Variants in THSD7B observed in about 807,000 individuals in gnomAD.
The protein encoded by THSD7B is thrombospondin type 1 domain containing 7B, also known as thrombospondin type-1 domain-containing protein 7B.
THSD7B carries 138 observed loss-of-function variants against 213.6 expected under a neutral mutation model. The observed-to-expected ratio is 0.65, with a 90% CI of 0.56 to 0.74. The LOEUF is 0.74. Ranked by LOEUF, THSD7B falls within the 30% of genes least tolerant of loss-of-function variation. The pLI, the probability that THSD7B is intolerant of heterozygous loss-of-function variation, is 0.00. For synonymous variants in THSD7B, 742 were observed against 687.0 expected, an observed-to-expected ratio of 1.08 and a Z score of -1.25; for missense variants, 1,931 against 1,991.5, an observed-to-expected ratio of 0.97 and a Z score of 0.58.
rs143309848 is a variant in THSD7B, at chr2:137,109,703, C to T, written c.1200-5421C>T. On this transcript the variant is annotated intron_variant, in intron 4 of 27. Coordinates refer to ENST00000409968, the MANE Select transcript of THSD7B (RefSeq NM_001316349.2). ...TGCTGATCTAACAGGAGGCAGAGCT[C>T]GGTGGCAATGTGAGTGATGGGGAGT... Among the ~76,000 whole-genome samples the T allele has an allele frequency of 3.5e-3, 540 of 152,138 alleles. 4 individuals are homozygous for T. Among genetic ancestry groups the T allele is most frequent in the African/African-American group, 0.012 (492 of 41,518 alleles).
intron 17 of THSD7B, among the ~76,000 whole-genome samples, chr2:137,575,365 C>T (rs1261443406): frequency 6.6e-6 from 1 of 151,896 alleles, no homozygotes; most frequent in Admixed American, 6.6e-5. Flanking sequence ...AGGAAAGATC[C>T]CTTCCCCTGC....
At chr2:137,488,192 C>T (rs1688508228) in intron 15 of THSD7B, among the ~76,000 whole-genome samples, 1 of 152,112 alleles carries the variant, frequency 6.6e-6, no homozygotes, top group Non-Finnish European at 1.5e-5. Context: ...ACTATTTCAA[C>T]TGATACTAGT....
intron 10 of THSD7B, among the ~76,000 whole-genome samples, chr2:137,264,440 G>A (rs1309043057): frequency 6.6e-6 from 1 of 151,862 alleles, no homozygotes; most frequent in Non-Finnish European, 1.5e-5. Flanking sequence ...AGTAGAGGCG[G>A]GATTTCACTG....
chr2:136,852,418 C>A (rs1329441856), intron 1 of THSD7B, among the ~76,000 whole-genome samples: 1 of 152,118 alleles, frequency 6.6e-6, no homozygotes, highest in African/African-American at 2.4e-5. Flanking sequence ...CTGTCAACAA[C>A]CTGAATGGAA....
intron 1 of THSD7B, among the ~76,000 whole-genome samples, chr2:136,845,693 C>G (rs958830003): frequency 2.0e-5 from 3 of 152,230 alleles, no homozygotes; most frequent in African/African-American, 4.8e-5. Flanking sequence ...TTGTGCTAAC[C>G]TATTATGAAC....
chr2:137,063,401 A>G (rs1687315885), intron 3 of THSD7B, among the ~76,000 whole-genome samples: 1 of 151,724 alleles, frequency 6.6e-6, no homozygotes, highest in South Asian at 2.1e-4. Flanking sequence ...TAGCTGTTGT[A>G]GGTGCATAGT....
At chr2:137,549,074 T>C (rs1322508406) in intron 15 of THSD7B, among the ~76,000 whole-genome samples, 2 of 151,958 alleles carry the variant, frequency 1.3e-5, no homozygotes, top group Admixed American at 1.3e-4. Flanking sequence ...TCCTCAAGCC[T>C]TTATTTCTTA....
At chr2:137,467,637 ATAAT>A (rs1219248759) in intron 15 of THSD7B, among the ~76,000 whole-genome samples, 1 of 152,176 alleles carries the variant, frequency 6.6e-6, no homozygotes, top group African/African-American at 2.4e-5. Context: ...TGACAAAAGT[ATAAT>A]TAATTTTAAA....
At chr2:136,890,339 T>C (rs367765010) in intron 2 of THSD7B, among the ~76,000 whole-genome samples, 3,910 of 9,872 alleles carry the variant, frequency 0.4, 136 homozygotes, top group East Asian at 0.58. Flanking sequence ...TTCTTCTTCT[T>C]CTTCTTCTTC....
intron 5 of THSD7B, among the ~76,000 whole-genome samples, chr2:137,159,016 G>T (rs1679960329): frequency 6.6e-6 from 1 of 152,152 alleles, no homozygotes; most frequent in South Asian, 2.1e-4. Context: ...TAATGCATTT[G>T]TCTGGTCCTT....
chr2:136,806,635 C>T (rs1211218397), intron 1 of THSD7B, among the ~76,000 whole-genome samples: 1 of 152,170 alleles, frequency 6.6e-6, no homozygotes, highest in Non-Finnish European at 1.5e-5. Flanking sequence ...TGCCCGGTTT[C>T]CCCTGTTGTA....
intron 2 of THSD7B, among the ~76,000 whole-genome samples, chr2:136,927,274 G>A (rs1458047600): frequency 1.4e-5 from 1 of 73,406 alleles, no homozygotes; most frequent in African/African-American, 4.6e-5. Flanking sequence ...ACTTGTTTTA[G>A]TCTTTTAAAA....
At chr2:137,060,234 AAG>A (rs1442257836) in intron 3 of THSD7B, among the ~76,000 whole-genome samples, 1 of 152,052 alleles carries the variant, frequency 6.6e-6, no homozygotes, top group East Asian at 1.9e-4. Flanking sequence ...GTTGAATTTT[AAG>A]AGTTATTTGT....
intron 15 of THSD7B, among the ~76,000 whole-genome samples, chr2:137,470,488 T>A (rs888425683): frequency 3.9e-5 from 6 of 152,218 alleles, no homozygotes; most frequent in Non-Finnish European, 7.3e-5. Context: ...TGAAATAGCA[T>A]GTTCAAAAAT....
intron 1 of THSD7B, among the ~76,000 whole-genome samples, chr2:136,842,303 T>C (rs1682932298): frequency 1.3e-5 from 2 of 152,226 alleles, no homozygotes; most frequent in African/African-American, 2.4e-5. Context: ...AAAGAAGTAC[T>C]AACAGTGTGA....
intron 1 of THSD7B, among the ~76,000 whole-genome samples, chr2:136,812,638 A>G (rs1466506445): frequency 6.6e-6 from 1 of 152,216 alleles, no homozygotes; most frequent in East Asian, 1.9e-4. Flanking sequence ...AGTAGGCATC[A>G]CAGTATGTTC....
At chr2:137,276,121 T>C in intron 12 of THSD7B, 95 bp downstream of exon 12, 2 of 858,356 alleles carry the variant, frequency 2.3e-6, no homozygotes, top group Non-Finnish European at 1.8e-6. Context: ...GAATGAATTG[T>C]GATATTATTG....
In THSD7B at chr2:137,255,056, T is replaced by A. The variant is rs114448801; in HGVS notation, c.2266+12484T>A. Among the ~76,000 whole-genome samples the A allele has an allele frequency of 6.0e-3, 906 of 152,240 alleles. 9 individuals carry two copies. Among genetic ancestry groups the A allele is most frequent in the African/African-American group, 0.02 (823 of 41,544 alleles). The stretch of plus-strand genomic sequence containing the variant: ...AATGTAACATTGCAAGAATGTAAAC[T>A]TTGCAAGAATATAAAATAACATTAT... On this transcript the variant is annotated intron_variant, in intron 10 of 27. Transcript: ENST00000409968.
intron 12 of THSD7B, among the ~76,000 whole-genome samples, chr2:137,404,527 AAT>A (rs1246883985): frequency 4.4e-5 from 6 of 136,924 alleles, no homozygotes; most frequent in African/African-American, 1.1e-4. Flanking sequence ...ATACACACAC[AAT>A]ATATATATAC....
Sources: gnomAD v4.1 joint callset for allele counts (sites outside exome capture counted in the v4.1 genomes callset) on GRCh38, gnomAD v4.1.1 for gene constraint, MANE v1.5 for transcripts, NCBI Gene and HGNC (gene_info 2026-07-23, HGNC 2026-07-21) for gene names.